The following EPHA3 variants were observed in gnomAD, a reference collection of about 807,000 sequenced individuals.
EPHA3 encodes the protein EPH receptor A3.
Under a neutral mutation model 107.1 loss-of-function variants are expected in EPHA3, and 42 were observed. That is an observed-to-expected ratio of 0.39 (90% confidence interval 0.31 to 0.51). The LOEUF is 0.51. Ranked by LOEUF, EPHA3 falls within the 20% of genes least tolerant of loss-of-function variation. The pLI, the probability that EPHA3 is intolerant of heterozygous loss-of-function variation, is 0.78. For synonymous variants in EPHA3, 461 were observed against 424.8 expected (o/e 1.09, Z -1.05); for missense variants, 1,183 against 1,211.2 (o/e 0.98, Z 0.35).
intron 1 of EPHA3, among the ~76,000 whole-genome samples, chr3:89,125,281 G>A (rs1454190824): frequency 6.6e-6 from 1 of 151,658 alleles, no homozygotes; most frequent in Non-Finnish European, 1.5e-5. Flanking sequence ...TTTCTACTAT[G>A]CAAATCCCAT....
At chr3:89,204,522 C>A (rs72615776) in intron 2 of EPHA3, among the ~76,000 whole-genome samples, 193 of 29,158 alleles carry the variant, frequency 6.6e-3, no homozygotes, top group Non-Finnish European at 0.019. Context: ...AACAAAAAAA[C>A]AATTCTATTC....
At chr3:89,395,784 C>G (rs995506469) in intron 5 of EPHA3, 53 bp from the exon 6 acceptor site, 1 of 1,604,286 alleles carries the variant, frequency 6.2e-7, no homozygotes, top group African/African-American at 1.3e-5. Flanking sequence ...GCCACCCTTT[C>G]TAACCCATTA....
chr3:89,281,031 A>ATTTT, intron 3 of EPHA3, among the ~76,000 whole-genome samples: 1 of 151,108 alleles, frequency 6.6e-6, no homozygotes, highest in East Asian at 1.9e-4. Context: ...TTATTTATTT[A>ATTTT]TTTATTTATT....
chr3:89,296,167 T>G (rs961537206), intron 3 of EPHA3, among the ~76,000 whole-genome samples: 3 of 152,246 alleles, frequency 2.0e-5, no homozygotes, highest in African/African-American at 7.2e-5. Context: ...CTCTTGTTAC[T>G]GATGATATTT....
chr3:89,287,674 A>T (rs1706120588), intron 3 of EPHA3, among the ~76,000 whole-genome samples: 1 of 152,160 alleles, frequency 6.6e-6, no homozygotes, highest in Admixed American at 6.6e-5. Context: ...ATTTAAATAC[A>T]CTTAATTTAG....
At chr3:89,209,623 A>C (rs751485017) in intron 2 of EPHA3, among the ~76,000 whole-genome samples, 1 of 152,146 alleles carries the variant, frequency 6.6e-6, no homozygotes, top group African/African-American at 2.4e-5. Flanking sequence ...ATTAACTGCT[A>C]AGTGTCTTTT....
At chr3:89,203,330 A>C (rs9865185) in intron 2 of EPHA3, among the ~76,000 whole-genome samples, 18,473 of 91,556 alleles carry the variant, frequency 0.2, 1,250 homozygotes, top group Admixed American at 0.26. Flanking sequence ...GAATTAAAAA[A>C]AAAACAAAAC....
chr3:89,392,822 C>CTG (rs10641187), intron 5 of EPHA3, among the ~76,000 whole-genome samples: 2,430 of 152,152 alleles, frequency 0.016, 67 homozygotes, highest in African/African-American at 0.055. Context: ...ATTTGTATCA[C>CTG]TTTCTCATTA....
chr3:89,242,931 T>A (rs1215049581), intron 3 of EPHA3, among the ~76,000 whole-genome samples: 1 of 112,670 alleles, frequency 8.9e-6, no homozygotes, highest in Non-Finnish European at 1.7e-5. Flanking sequence ...CAGGCCCCGG[T>A]GTGTGATGTT....
At chr3:89,149,143 A>G (rs796989294) in intron 2 of EPHA3, among the ~76,000 whole-genome samples, 33 of 152,082 alleles carry the variant, frequency 2.2e-4, no homozygotes, top group African/African-American at 7.7e-4. Flanking sequence ...ATATGGTTCA[A>G]AGGATTTTAT....
rs1327947541 is a variant in EPHA3, at chr3:89,476,670, C to T, written c.2847-2727C>T. ...TCGCCCAGGCTGGAGTGCAGTGGCG[C>T]GATCTCGGCTCACTGCAAGCTCCGC... On this transcript the variant is annotated intron_variant, in intron 16 of 16. Coordinates refer to ENST00000336596, the MANE Select transcript of EPHA3 (RefSeq NM_005233.6). Among the ~76,000 whole-genome samples, 5 of 151,154 alleles carry T rather than the reference C, an allele frequency of 3.3e-5. No individual in the cohort carries two copies. In the East Asian group the frequency reaches 5.8e-4, roughly 18 times the overall value.
rs142643496 is a variant in EPHA3, at chr3:89,133,410, T to C, written c.153+6137T>C. On this transcript the variant is annotated intron_variant, in intron 2 of 16. Coordinates refer to ENST00000336596, the MANE Select transcript of EPHA3 (RefSeq NM_005233.6). ...TCTTTATTAGTCAAAGTAGGAACCA[T>C]TACAATCATCACATTTTTGTCAACG... Among the ~76,000 whole-genome samples the C allele has an allele frequency of 5.3e-3, 801 of 152,310 alleles. 8 individuals carry two copies. The highest frequency in any genetic ancestry group is 0.018 in the African/African-American group (744 of 41,564).
chr3:89,289,486 A>G (rs2107326488), intron 3 of EPHA3, among the ~76,000 whole-genome samples: 1 of 152,266 alleles, frequency 6.6e-6, no homozygotes, highest in South Asian at 2.1e-4. Flanking sequence ...GGGATCCTGG[A>G]GTAGACAGGC....
chr3:89,335,771 A>G (rs1366392138), intron 3 of EPHA3, among the ~76,000 whole-genome samples: 2 of 152,222 alleles, frequency 1.3e-5, no homozygotes, highest in South Asian at 4.1e-4. Flanking sequence ...ATTTGCTTCC[A>G]CTTGAAAGAT....
chr3:89,213,275 A>T (rs1007824374), intron 3 of EPHA3, among the ~76,000 whole-genome samples: 1 of 152,028 alleles, frequency 6.6e-6, no homozygotes, highest in Non-Finnish European at 1.5e-5. Flanking sequence ...TCTTAGAAAC[A>T]TCTTGCTTAG....
intron 11 of EPHA3, among the ~76,000 whole-genome samples, chr3:89,426,807 C>T (rs974539024): frequency 6.6e-6 from 1 of 151,816 alleles, no homozygotes; most frequent in Non-Finnish European, 1.5e-5. Context: ...TTCCTCCCAG[C>T]ACTGTATGAA....
At chr3:89,169,331 GA>G (rs752185678) in intron 2 of EPHA3, among the ~76,000 whole-genome samples, 3 of 151,914 alleles carry the variant, frequency 2.0e-5, no homozygotes, top group Non-Finnish European at 2.9e-5. Flanking sequence ...TTTTCAGACC[GA>G]AATTATAAAC....
chr3:89,340,472 T>C (rs1707494008), intron 3 of EPHA3, among the ~76,000 whole-genome samples: 1 of 152,242 alleles, frequency 6.6e-6, no homozygotes, highest in African/African-American at 2.4e-5. Context: ...TGCTTACACT[T>C]TGTGGGACGA....
intron 15 of EPHA3, among the ~76,000 whole-genome samples, chr3:89,472,003 T>C (rs999235626): frequency 1.3e-5 from 2 of 152,146 alleles, no homozygotes; most frequent in African/African-American, 4.8e-5. Flanking sequence ...GTTCAAGCCA[T>C]TCTTTAGACA....
Sources: allele counts gnomAD v4.1 joint callset (sites outside exome capture counted in the v4.1 genomes callset), GRCh38; gene constraint gnomAD v4.1.1; transcripts MANE v1.5; gene names NCBI Gene and HGNC (gene_info 2026-07-23, HGNC 2026-07-21).